Variants in C11orf58 observed in about 807,000 individuals in gnomAD.
The protein encoded by C11orf58 is chromosome 11 open reading frame 58.
Under a neutral mutation model 22.7 loss-of-function variants are expected in C11orf58, and 5 were observed. The observed-to-expected ratio is 0.22, with a 90% confidence interval of 0.12 to 0.46. C11orf58 has a LOEUF of 0.46. C11orf58 is among the 20% of genes least tolerant of loss of function. The probability of loss-of-function intolerance (pLI) is 0.99; values close to 1 mark genes in which losing one functional copy is unlikely to be tolerated. For missense variants in C11orf58, 151 were observed against 223.3 expected, an observed-to-expected ratio of 0.68 and a Z score of 2.06; for synonymous variants, 71 against 70.7, an observed-to-expected ratio of 1.00 and a Z score of -0.02.
At chr11:16,740,469 C>T (rs931200866) in intron 1 of C11orf58, among the ~76,000 whole-genome samples, 5 of 151,960 alleles carry the variant, frequency 3.3e-5, no homozygotes, top group Admixed American at 1.3e-4. Context: ...CACGATCGAT[C>T]AGTGCTCCCT....
intron 1 of C11orf58, among the ~76,000 whole-genome samples, chr11:16,739,891 G>C (rs1848431981): frequency 6.6e-6 from 1 of 152,176 alleles, no homozygotes; most frequent in Non-Finnish European, 1.5e-5. Context: ...AAAGCCCACT[G>C]AATACTACTT....
At position 16,738,711 on chromosome 11, in the gene C11orf58, G is replaced by A. The variant is rs1848416597; in HGVS notation, c.-68G>A. The A allele has an allele frequency of 3.2e-6, 5 of 1,559,770 alleles. No homozygotes were observed. The highest frequency in any genetic ancestry group is 2.6e-6 in the Non-Finnish European group (3 of 1,132,142). On this transcript the variant is annotated 5_prime_UTR_variant, in exon 1 of 5. Transcript: ENST00000228136. ...TGCTTGGGCCCTTGGCGGATTGTAA[G>A]CTGCTGGTTTTGCGGCTGGGAAGAG... is the stretch of plus-strand genomic sequence containing the variant.
intron 4 of C11orf58, 142 bp from the exon 5 acceptor site, chr11:16,754,729 A>C (rs188451507): frequency 1.5e-6 from 2 of 1,375,864 alleles, no homozygotes; most frequent in Non-Finnish European, 2.0e-6. Context: ...GCTCTTTCTT[A>C]AAATTCTACT....
chr11:16,739,930 A>G (rs539409997), intron 1 of C11orf58, among the ~76,000 whole-genome samples: 1 of 152,312 alleles, frequency 6.6e-6, no homozygotes, highest in East Asian at 1.9e-4. Flanking sequence ...GTTAAGACCT[A>G]CCCCTCTGAT....
Position 16,755,195 on chromosome 11 carries a change from A to G in C11orf58, c.*91A>G. 1 of 1,415,342 alleles carries G rather than the reference A, an allele frequency of 7.1e-7. No individual in the cohort carries two copies. Among genetic ancestry groups the G allele is most frequent in the Non-Finnish European group, 9.5e-7 (1 of 1,050,364 alleles). The allele number at this position is 1,415,342 out of a possible 1,614,324, so 87.7% of individuals were successfully genotyped here. On this transcript the variant is annotated 3_prime_UTR_variant, in exon 5 of 5. Transcript: ENST00000228136. ...CTTATAGAGCACAGACCTTTGTATT[A>G]TAATTTTTAAAAAGGCCCTTTTAAA...
chr11:16,747,908 C>T (rs1421605160), intron 2 of C11orf58, 189 bp from the exon 3 acceptor site: 5 of 527,582 alleles, frequency 9.5e-6, no homozygotes, highest in East Asian at 3.3e-5. Context: ...ATAGTGATTA[C>T]GTTTGCCTGT....
chr11:16,747,678 A>T (rs1466587652), intron 2 of C11orf58: 1 of 154,098 alleles, frequency 6.5e-6, no homozygotes, highest in Non-Finnish European at 1.4e-5. Context: ...TGTCAGGCTA[A>T]ATCTCATTTG....
At chr11:16,745,282 C>T (rs1225371102) in intron 2 of C11orf58, among the ~76,000 whole-genome samples, 3 of 152,124 alleles carry the variant, frequency 2.0e-5, no homozygotes, top group Non-Finnish European at 2.9e-5. Context: ...ATAGAAGGTA[C>T]AGTTGACCCT....
Position 16,756,956 on chromosome 11 carries a change from A to G in C11orf58, c.*1852A>G, listed in dbSNP as rs1254078773. Reference sequence around the variant, plus strand: ...TAGAATGTGTTAGAGAAATTTAACAAGTAGAACAGGTGATTTCTGGTTGAT... The same window carrying G: ...TAGAATGTGTTAGAGAAATTTAACAGGTAGAACAGGTGATTTCTGGTTGAT... On this transcript the variant is annotated 3_prime_UTR_variant, in exon 5 of 5. Coordinates refer to ENST00000228136, the MANE Select transcript of C11orf58 (RefSeq NM_014267.6). The G allele has an allele frequency of 6.6e-6, 1 of 151,230 alleles. No individual in the cohort carries two copies. Among genetic ancestry groups the G allele is most frequent in the Admixed American group, 6.6e-5 (1 of 15,154 alleles). The allele number at this position is 151,230 out of a possible 1,614,324, so 9.4% of individuals were successfully genotyped here. A position where few individuals can be genotyped will look rare whatever the true frequency, so the allele number is the denominator to read the frequency against.
chr11:16,740,790 G>GA (rs34324472), intron 1 of C11orf58, among the ~76,000 whole-genome samples: 1,484 of 133,386 alleles, frequency 0.011, 6 homozygotes, highest in Non-Finnish European at 0.017. Flanking sequence ...AGCTGTTGCA[G>GA]AAAAAAAAAA....
intron 4 of C11orf58, among the ~76,000 whole-genome samples, chr11:16,754,423 T>A (rs562750460): frequency 1.3e-4 from 19 of 150,942 alleles, no homozygotes; most frequent in Non-Finnish European, 2.4e-4. Context: ...CTTGAACTCC[T>A]AGGCTCAAGC....
intron 4 of C11orf58, among the ~76,000 whole-genome samples, chr11:16,753,141 A>C (rs367961698): frequency 1.3e-5 from 2 of 151,736 alleles, no homozygotes; most frequent in East Asian, 3.9e-4. Flanking sequence ...ACCAGGCTGG[A>C]GTGCAGTGGT....
At chr11:16,752,617 A>G in intron 3 of C11orf58, 168 bp from the exon 4 acceptor site, 3 of 416,962 alleles carry the variant, frequency 7.2e-6, no homozygotes, top group Non-Finnish European at 1.3e-5. Flanking sequence ...AACATCAGGC[A>G]TTTTATTTTC....
rs949844828 is a variant in C11orf58 at position 16,757,884 on chromosome 11, G to C, written c.*2780G>C. Among the ~76,000 whole-genome samples, 2 of 152,138 alleles carry C rather than the reference G, an allele frequency of 1.3e-5. No homozygotes were observed. The highest frequency in any genetic ancestry group is 4.8e-5 in the African/African-American group (2 of 41,436). ...TAAATCTGAGAGAATTGAAGGTACA[G>C]AAAAAAATTCTGGAGTGCCTGAACC... On this transcript the variant is annotated 3_prime_UTR_variant, in exon 5 of 5. Transcript: ENST00000228136.
intron 1 of C11orf58, among the ~76,000 whole-genome samples, chr11:16,741,362 G>A (rs1320509530): frequency 2.6e-5 from 4 of 152,186 alleles, no homozygotes; most frequent in African/African-American, 9.7e-5. Context: ...GTAGTAAAGG[G>A]TATTAAGGAT....
chr11:16,752,874 T>A lies in C11orf58; in HGVS notation c.298T>A (p.Cys100Ser). Residue 100 changes from cysteine (C) to serine (S), a missense_variant, in exon 4 of 5, where the codon TGT becomes AGT. Cys to Ser is a moderately radical substitution (Grantham distance 112). Around this residue, in one of 3 missense-constraint regions of C11orf58, gnomAD observed 112 missense variants for 162.6 expected, o/e 0.69. Transcript: ENST00000228136. ...SKLSGRYRRH[C>S]GLGFSEVEDH... is the part of the protein sequence containing the mutation. ...ATTATCAGGAAGATATCGGCGACAT[T>A]GTGGACTTGGCTTCAGTGAGGTAGT... 1 of 1,610,350 alleles carries A rather than the reference T, an allele frequency of 6.2e-7. No homozygotes were observed. The highest frequency in any genetic ancestry group is 1.1e-5 in the South Asian group (1 of 90,224).
rs1276903155 is a variant in C11orf58 at position 16,756,937 on chromosome 11, G to GTGTT, written c.*1834_*1837dup. 2.1e-5 allele frequency: 3 copies of GTGTT among 144,036 alleles called. No homozygotes were observed. Among genetic ancestry groups the GTGTT allele is most frequent in the Non-Finnish European group, 4.6e-5 (3 of 64,642 alleles). The allele number at this position is 144,036 out of a possible 1,614,324, so 8.9% of individuals were successfully genotyped here. On this transcript the variant is annotated 3_prime_UTR_variant, in exon 5 of 5. Coordinates refer to ENST00000228136, the MANE Select transcript of C11orf58 (RefSeq NM_014267.6). ...AAAAAAAAAAAAAAAAATTTAGAAT[G>GTGTT]TGTTAGAGAAATTTAACAAGTAGAA...
intron 3 of C11orf58, chr11:16,752,207 G>A (rs566356211): frequency 4.5e-4 from 72 of 161,688 alleles, no homozygotes; most frequent in African/African-American, 9.8e-4. Flanking sequence ...TATATATTAC[G>A]ATGTGATAAT....
chr11:16,746,373 CT>C (rs1848487387), intron 2 of C11orf58, among the ~76,000 whole-genome samples: 1 of 152,208 alleles, frequency 6.6e-6, no homozygotes, highest in Non-Finnish European at 1.5e-5. Context: ...CTTAACATCC[CT>C]TGTGGTTCTT....
Sources: gnomAD v4.1 joint callset for allele counts (sites outside exome capture counted in the v4.1 genomes callset) on GRCh38, gnomAD v4.1.1 for gene constraint, gnomAD v4.1.1 regional missense constraint, MANE v1.5 for transcripts, NCBI Gene and HGNC (gene_info 2026-07-23, HGNC 2026-07-21) for gene names.